Variants in USH1C observed in about 807,000 individuals in gnomAD.
USH1C encodes the protein USH1 protein network component harmonin.
A neutral mutation model predicts 119.3 loss-of-function variants in USH1C; 90 were observed. The ratio of observed to expected loss-of-function variants is 0.75; its 90% CI spans 0.64 to 0.90. The LOEUF is 0.90. Ranked by LOEUF, USH1C falls within the 40% of genes least tolerant of loss-of-function variation. The probability of loss-of-function intolerance (pLI) is 0.00; values close to 1 mark genes in which losing one functional copy is unlikely to be tolerated. For missense variants in USH1C, 1,165 were observed against 1,167.7 expected, an observed-to-expected ratio of 1.00 and a Z score of 0.03; for synonymous variants, 465 against 443.3, an observed-to-expected ratio of 1.05 and a Z score of -0.62.
intron 4 of USH1C, among the ~76,000 whole-genome samples, chr11:17,529,890 A>G (rs1341697476): frequency 6.6e-6 from 1 of 152,248 alleles, no homozygotes. Flanking sequence ...AGCATTGAGA[A>G]CTGCTTGTCC....
At chr11:17,501,604 G>A (rs1849449910) in intron 21 of USH1C, 69 bp from the exon 22 acceptor site, 3 of 1,522,020 alleles carry the variant, frequency 2.0e-6, no homozygotes, top group South Asian at 1.2e-5. Flanking sequence ...AGGGCTGGAA[G>A]GGGAATCCAG....
intron 9 of USH1C, 136 bp from the exon 10 acceptor site, chr11:17,523,614 T>C: frequency 1.2e-6 from 1 of 825,288 alleles, no homozygotes; most frequent in South Asian, 1.5e-5. Flanking sequence ...TCCTGATGAA[T>C]GGAGCAGTTG....
At chr11:17,504,490 C>T (rs573780834) in intron 20 of USH1C, among the ~76,000 whole-genome samples, 157 bp downstream of exon 20, 30 of 152,256 alleles carry the variant, frequency 2.0e-4, no homozygotes, top group African/African-American at 6.3e-4. Context: ...CCCACCCCTG[C>T]GCAGGCAATG....
At chr11:17,502,778 C>T (rs997506634) in intron 20 of USH1C, among the ~76,000 whole-genome samples, 4 of 152,178 alleles carry the variant, frequency 2.6e-5, no homozygotes, top group African/African-American at 9.6e-5. Flanking sequence ...CCTCGGGAGT[C>T]ACACACAGTG....
intron 15 of USH1C, chr11:17,514,584 C>T (rs1270320795): frequency 6.6e-6 from 1 of 152,198 alleles, no homozygotes; most frequent in African/African-American, 2.4e-5. Flanking sequence ...TTCCTGGAGA[C>T]TTGGCGTTCC....
chr11:17,509,795 A>G lies in USH1C; in HGVS notation c.1574T>C (p.Leu525Pro), dbSNP rs727504790. 1 of 1,398,780 alleles carries G rather than the reference A, an allele frequency of 7.1e-7. No homozygotes were observed. Among genetic ancestry groups the G allele is most frequent in the Non-Finnish European group, 9.5e-7 (1 of 1,048,602 alleles). The allele number at this position is 1,398,780 out of a possible 1,614,324, so 86.6% of individuals were successfully genotyped here. The change falls in exon 18 of 27, where the codon CTG becomes CCG. Residue 525 changes from leucine to proline, a missense_variant. Leu to Pro is a moderately conservative substitution (Grantham distance 98, BLOSUM62 -3). Coordinates refer to ENST00000005226, the MANE Select transcript of USH1C (RefSeq NM_153676.4). ...TGCGAAGCGTCTCAAGGGTGGGGCC[A>G]GGGGAGACACAGAAGGCGGGGGAGG... ...PPPPPPSVSP[L>P]APPLRRFAGG...
intron 26 of USH1C, 77 bp from the exon 27 acceptor site, chr11:17,494,453 A>T: frequency 6.6e-7 from 1 of 1,505,752 alleles, no homozygotes; most frequent in Non-Finnish European, 9.0e-7. Context: ...GCAAGGCCCC[A>T]CAAGGGGGAG....
intron 15 of USH1C, among the ~76,000 whole-genome samples, chr11:17,515,912 G>C (rs535777903): frequency 6.6e-6 from 1 of 152,282 alleles, no homozygotes; most frequent in African/African-American, 2.4e-5. Context: ...CCAAGCTTCT[G>C]GCCTTGGTCT....
Position 17,531,719 on chromosome 11 carries a change from T to C in USH1C, c.105-177A>G, listed in dbSNP as rs1055036093. Reference sequence around the variant, plus strand: ...CAGTGCCTGAGAAGACTTTGTTCTCTTATATAAATATCCCCAGGAAACCAG... The same window carrying C: ...CAGTGCCTGAGAAGACTTTGTTCTCCTATATAAATATCCCCAGGAAACCAG... On this transcript the variant is annotated intron_variant, in intron 2 of 26. Transcript: ENST00000005226. This position sits in a 1 kb window ranked among gnomAD's most constrained non-coding sequence, Gnocchi z 4.2. 5.9e-5 allele frequency among the ~76,000 whole-genome samples: 9 copies of C among 152,162 alleles called. No individual in the cohort carries two copies. The highest frequency in any genetic ancestry group is 1.4e-4 in the African/African-American group (6 of 41,422).
chr11:17,534,518 C>G (rs905738180), intron 1 of USH1C, among the ~76,000 whole-genome samples: 2 of 152,214 alleles, frequency 1.3e-5, no homozygotes, highest in African/African-American at 4.8e-5. Context: ...TTAGTTGCTA[C>G]AGAAGTTCAG....
chr11:17,533,319 C>T lies in USH1C; in HGVS notation c.40G>A (p.Asp14Asn), dbSNP rs1305058607. 6.2e-7 allele frequency: 1 copy of T among 1,612,214 alleles called. No homozygotes were observed. Among genetic ancestry groups the T allele is most frequent in the Non-Finnish European group, 8.5e-7 (1 of 1,178,612 alleles). The change falls in exon 2 of 27, where the codon GAT (aspartate) becomes AAT (asparagine). Residue 14 changes from aspartate to asparagine, a missense_variant. Asp to Asn is a conservative substitution (Grantham distance 23). Coordinates refer to ENST00000005226, the MANE Select transcript of USH1C (RefSeq NM_153676.4). ...TCTGCATCATTTTCAATCAGAAAATCCACCTGGAAAATCCAATAGCAGAAT... is the reference window on the plus strand; with the variant it reads ...TCTGCATCATTTTCAATCAGAAAATTCACCTGGAAAATCCAATAGCAGAAT... ...KVAREFRHKV[D>N]FLIENDAEKD...
At chr11:17,521,236 G>A (rs183569061) in intron 13 of USH1C, 110 bp downstream of exon 13, 4 of 1,220,394 alleles carry the variant, frequency 3.3e-6, no homozygotes, top group South Asian at 1.2e-5. Context: ...GGACCCACCA[G>A]GGGATGAGAG....
rs894376473 is a variant in USH1C, at chr11:17,516,846, T to A, written c.1211-556A>T. Among the ~76,000 whole-genome samples, 7 of 152,254 alleles carry A rather than the reference T, an allele frequency of 4.6e-5. No homozygotes were observed. The South Asian group carries it at 1.0e-3, about 23-fold the overall frequency. ...CTGGGACAGCTCTTGGAAGGACAGC[T>A]CCAGCAGGAGCGGGCAGGAGATGTG... On this transcript the variant is annotated intron_variant, in intron 14 of 26. Transcript: ENST00000005226.
intron 18 of USH1C, among the ~76,000 whole-genome samples, chr11:17,506,891 C>A (rs1849671061): frequency 6.6e-6 from 1 of 152,170 alleles, no homozygotes; most frequent in South Asian, 2.1e-4. Flanking sequence ...AGCTGTCTAT[C>A]CAGCAGGGAT....
At position 17,516,172 on chromosome 11, in the gene USH1C, T is replaced by A. The variant is rs1255534874; in HGVS notation, c.1260+69A>T. The A allele has an allele frequency of 1.9e-6, 3 of 1,541,430 alleles. No homozygotes were observed. The African/African-American group carries it at 4.1e-5, about 21-fold the overall frequency. On this transcript the variant is annotated intron_variant, in intron 15 of 26. Transcript: ENST00000005226. Reference sequence around the variant, plus strand: ...CATTTAGTGTTGATAGGACAAGGAATGTTTGGGAAAAGCCAAAACCCACAG... The same window carrying A: ...CATTTAGTGTTGATAGGACAAGGAAAGTTTGGGAAAAGCCAAAACCCACAG...
intron 21 of USH1C, 63 bp from the exon 22 acceptor site, chr11:17,501,598 C>T (rs1849449683): frequency 3.2e-6 from 5 of 1,554,402 alleles, no homozygotes; most frequent in South Asian, 2.3e-5. Context: ...TGGGGTAGGG[C>T]TGGAAGGGGA....
intron 1 of USH1C, among the ~76,000 whole-genome samples, chr11:17,534,251 C>T (rs892956639): frequency 1.1e-4 from 16 of 152,240 alleles, no homozygotes; most frequent in African/African-American, 2.9e-4. Flanking sequence ...TCCACTGACT[C>T]GTCCTCAGAA....
chr11:17,502,854 C>T (rs891789684), intron 20 of USH1C, among the ~76,000 whole-genome samples: 2 of 152,150 alleles, frequency 1.3e-5, no homozygotes, highest in Admixed American at 6.5e-5. Flanking sequence ...AGCAGAGCCA[C>T]GGCTGGTCCC....
intron 15 of USH1C, among the ~76,000 whole-genome samples, chr11:17,515,920 T>A (rs79601457): frequency 0.018 from 2,740 of 152,318 alleles, 98 homozygotes; most frequent in African/African-American, 0.061. Context: ...CTGGCCTTGG[T>A]CTCTAGTTCT....
Sources: gnomAD v4.1 joint callset for allele counts (sites outside exome capture counted in the v4.1 genomes callset) on GRCh38, gnomAD v4.1.1 for gene constraint, Gnocchi (gnomAD v3.1) non-coding constraint, MANE v1.5 for transcripts, NCBI Gene and HGNC (gene_info 2026-07-23, HGNC 2026-07-21) for gene names.